Variants in SRBD1 observed in about 807,000 individuals in gnomAD.
SRBD1 encodes S1 RNA-binding domain-containing protein 1.
Under a neutral mutation model 115.3 loss-of-function variants are expected in SRBD1, and 88 were observed. That is an observed-to-expected ratio of 0.76 (90% CI 0.64 to 0.91). The LOEUF is 0.91. Ranked by LOEUF, SRBD1 falls within the 40% of genes least tolerant of loss-of-function variation. SRBD1 has a pLI of 0.00. For missense variants in SRBD1, 1,385 were observed against 1,177.4 expected (o/e 1.18, Z -2.58); for synonymous variants, 509 against 407.7 (o/e 1.25, Z -2.99).
At chr2:45,605,487 T>A (rs916014527) in intron 1 of SRBD1, 46 bp from the exon 2 acceptor site, 2 of 1,550,600 alleles carry the variant, frequency 1.3e-6, no homozygotes, top group African/African-American at 2.7e-5. Flanking sequence ...AATATTCTTA[T>A]CACTTTATTT....
At chr2:45,557,755 C>A (rs1286076415) in intron 10 of SRBD1, among the ~76,000 whole-genome samples, 2 of 152,194 alleles carry the variant, frequency 1.3e-5, no homozygotes, top group Non-Finnish European at 2.9e-5. Flanking sequence ...TTGCTTAAAT[C>A]TTTAAACTTA....
chr2:45,497,926 C>T (rs1670511303), intron 14 of SRBD1, among the ~76,000 whole-genome samples: 1 of 152,030 alleles, frequency 6.6e-6, no homozygotes, highest in African/African-American at 2.4e-5. Context: ...CCCAGCTACT[C>T]AGGAGGCTGA....
chr2:45,463,005 T>C (rs985490615), intron 16 of SRBD1, among the ~76,000 whole-genome samples: 1 of 106,648 alleles, frequency 9.4e-6, no homozygotes, highest in African/African-American at 3.7e-5. Flanking sequence ...TATTTAATTG[T>C]TGAGAATAAC....
At chr2:45,412,801 T>C (rs1055741693) in intron 19 of SRBD1, among the ~76,000 whole-genome samples, 20 of 152,220 alleles carry the variant, frequency 1.3e-4, no homozygotes, top group African/African-American at 4.3e-4. Context: ...GCACAAGTTT[T>C]ATGCCAGGTG....
intron 14 of SRBD1, among the ~76,000 whole-genome samples, chr2:45,525,221 C>T (rs920516858): frequency 5.9e-5 from 9 of 151,956 alleles, no homozygotes; most frequent in Non-Finnish European, 1.2e-4. Context: ...ATCTTTATGA[C>T]GGTGGATTTG....
intron 14 of SRBD1, among the ~76,000 whole-genome samples, chr2:45,520,233 T>A (rs1243270429): frequency 6.6e-6 from 1 of 152,242 alleles, no homozygotes; most frequent in Non-Finnish European, 1.5e-5. Context: ...TTTGTGCTGT[T>A]ACTGGGTCAA....
At chr2:45,605,826 C>T (rs1674251204) in intron 1 of SRBD1, among the ~76,000 whole-genome samples, 1 of 151,518 alleles carries the variant, frequency 6.6e-6, no homozygotes, top group African/African-American at 2.4e-5. Context: ...ATCACTTGAA[C>T]CCAGGAGGTG....
chr2:45,563,946 CTA>C (rs1672747784), intron 9 of SRBD1, among the ~76,000 whole-genome samples: 1 of 152,120 alleles, frequency 6.6e-6, no homozygotes, highest in Non-Finnish European at 1.5e-5. Flanking sequence ...ACATATATTT[CTA>C]TGAGGCCAGT....
chr2:45,542,879 CT>C (rs773399327), intron 14 of SRBD1, among the ~76,000 whole-genome samples: 3 of 152,212 alleles, frequency 2.0e-5, no homozygotes, highest in Non-Finnish European at 4.4e-5. Flanking sequence ...AAAAGAACCA[CT>C]GGTTTCTGCA....
intron 16 of SRBD1, among the ~76,000 whole-genome samples, chr2:45,454,012 AAGCAGAGTTCTTAC>A (rs1669077617): frequency 6.6e-6 from 1 of 151,948 alleles, no homozygotes; most frequent in Non-Finnish European, 1.5e-5. Flanking sequence ...CAGTCTTTCG[AAGCAGAGTTCTTAC>A]AGGTCAGATT....
At chr2:45,416,644 T>C in intron 18 of SRBD1, among the ~76,000 whole-genome samples, 1 of 152,206 alleles carries the variant, frequency 6.6e-6, no homozygotes, top group East Asian at 1.9e-4. Context: ...ATAATAAACA[T>C]ATACATACAA....
chr2:45,545,368 G>T (rs764315256), intron 14 of SRBD1, among the ~76,000 whole-genome samples: 1 of 140,176 alleles, frequency 7.1e-6, no homozygotes, highest in Non-Finnish European at 1.5e-5. Context: ...CTTTCTAATA[G>T]TACATACTGC....
In SRBD1 at chr2:45,545,751, C is replaced by T. The variant is rs1332453555; in HGVS notation, c.1874+981G>A. Reference sequence around the variant, plus strand: ...TGAATCATGATCCCATGGCACCTATCGGTTTGTTCCTCACCTTCTCTTACT... The same window carrying T: ...TGAATCATGATCCCATGGCACCTATTGGTTTGTTCCTCACCTTCTCTTACT... On this transcript the variant is annotated intron_variant, in intron 14 of 20. Transcript: ENST00000263736. 3.3e-5 allele frequency among the ~76,000 whole-genome samples: 5 copies of T among 152,176 alleles called. No homozygotes were observed. In the South Asian group the frequency reaches 6.2e-4, roughly 19 times the overall value.
At chr2:45,430,936 A>G (rs1668313891) in intron 16 of SRBD1, among the ~76,000 whole-genome samples, 6 of 152,140 alleles carry the variant, frequency 3.9e-5, no homozygotes, top group Admixed American at 3.9e-4. Context: ...ACGAACTTAA[A>G]CAAATTTACA....
chr2:45,476,310 A>C (rs1440440826), intron 16 of SRBD1, among the ~76,000 whole-genome samples: 1 of 152,146 alleles, frequency 6.6e-6, no homozygotes, highest in Non-Finnish European at 1.5e-5. Context: ...TCCATGACAT[A>C]ATATATTTCT....
intron 10 of SRBD1, among the ~76,000 whole-genome samples, chr2:45,555,424 T>G (rs753381224): frequency 6.6e-6 from 1 of 151,870 alleles, no homozygotes; most frequent in Admixed American, 6.6e-5. Flanking sequence ...CCAGAATTTT[T>G]TGGAAAAATG....
rs534272043 is a variant in SRBD1, at chr2:45,551,234, T to A, written c.1566A>T (p.Gly522=). 54 of 1,612,610 alleles carry A rather than the reference T, an allele frequency of 3.3e-5. No homozygotes were observed. The South Asian group carries it at 6.0e-4, about 18-fold the overall frequency. Residue 522 remains glycine, a synonymous_variant, in exon 12 of 21, where the codon GGA becomes GGT. Transcript: ENST00000263736. ...TTAAAAGGAGCTGACGAAGGTTCCGTCCAAACATCATTACTGATTCCTTCT... is the reference window on the plus strand; with the variant it reads ...TTAAAAGGAGCTGACGAAGGTTCCGACCAAACATCATTACTGATTCCTTCT... The part of the protein sequence containing the change: ...DAEKESVMMF[G]RNLRQLLLTS...
intron 14 of SRBD1, among the ~76,000 whole-genome samples, chr2:45,504,048 T>C (rs1055166203): frequency 3.9e-5 from 6 of 152,096 alleles, no homozygotes; most frequent in Non-Finnish European, 8.8e-5. Context: ...TACTATAAAA[T>C]ATTTTCAAAT....
intron 9 of SRBD1, among the ~76,000 whole-genome samples, chr2:45,564,619 A>G (rs773475553): frequency 6.6e-6 from 1 of 152,142 alleles, no homozygotes; most frequent in African/African-American, 2.4e-5. Context: ...TCTGAAAATA[A>G]TTTTTTTTAA....
Sources: gnomAD v4.1 joint callset for allele counts (sites outside exome capture counted in the v4.1 genomes callset) on GRCh38, gnomAD v4.1.1 for gene constraint, MANE v1.5 for transcripts, NCBI Gene and HGNC (gene_info 2026-07-23, HGNC 2026-07-21) for gene names.